LCLAT1: variants seen among roughly 807,000 people sequenced by gnomAD.
The protein encoded by LCLAT1 is 1-AGP acyltransferase 8.
LCLAT1 carries 11 observed loss-of-function variants against 30.7 expected under a neutral mutation model. The observed-to-expected ratio is 0.36, with a 90% CI of 0.23 to 0.59. The LOEUF is 0.59. LCLAT1 is among the 20% of genes least tolerant of loss of function. The pLI is 0.77. For synonymous variants in LCLAT1, 155 were observed against 151.3 expected (o/e 1.02, Z -0.18); for missense variants, 402 against 458.6 (o/e 0.88, Z 1.13).
At chr2:30,503,131 A>C (rs1035864783) in intron 1 of LCLAT1, among the ~76,000 whole-genome samples, 1 of 152,248 alleles carries the variant, frequency 6.6e-6, no homozygotes, top group Non-Finnish European at 1.5e-5. Flanking sequence ...GGTAACATCC[A>C]GGTCATTGCC....
intron 1 of LCLAT1, among the ~76,000 whole-genome samples, chr2:30,493,444 A>C (rs1298164010): frequency 6.6e-6 from 1 of 152,244 alleles, no homozygotes; most frequent in Non-Finnish European, 1.5e-5. Context: ...TCATGAGCTA[A>C]AAACTGTGGC....
intron 1 of LCLAT1, among the ~76,000 whole-genome samples, chr2:30,485,470 T>A (rs992190295): frequency 1.3e-5 from 2 of 152,194 alleles, no homozygotes; most frequent in South Asian, 2.1e-4. Context: ...TGATTTTTTT[T>A]ATAGAACTAT....
At chr2:30,494,122 A>G (rs563761820) in intron 1 of LCLAT1, among the ~76,000 whole-genome samples, 163 of 152,274 alleles carry the variant, frequency 1.1e-3, no homozygotes, top group African/African-American at 3.9e-3. Context: ...GTTCAGGATG[A>G]TGAGGCAGGA....
At chr2:30,479,261 A>C (rs1275223796) in intron 1 of LCLAT1, among the ~76,000 whole-genome samples, 1 of 151,574 alleles carries the variant, frequency 6.6e-6, no homozygotes, top group Non-Finnish European at 1.5e-5. Flanking sequence ...ACAGGGTCTC[A>C]TTCAGTCATC....
chr2:30,571,136 C>T (rs1019235237), intron 5 of LCLAT1, among the ~76,000 whole-genome samples: 14 of 152,166 alleles, frequency 9.2e-5, no homozygotes, highest in African/African-American at 3.4e-4. Context: ...TCAATCCATA[C>T]TTAGCTCATA....
intron 1 of LCLAT1, among the ~76,000 whole-genome samples, chr2:30,460,367 T>A (rs1344946877): frequency 6.6e-6 from 1 of 152,240 alleles, no homozygotes; most frequent in Non-Finnish European, 1.5e-5. Flanking sequence ...TCTCTGTTTA[T>A]TTAATTGTCC....
intron 2 of LCLAT1, among the ~76,000 whole-genome samples, chr2:30,526,796 C>G (rs1685743582): frequency 1.3e-5 from 2 of 152,128 alleles, no homozygotes. Context: ...ATATCTTATC[C>G]TAATTGTAGA....
intron 1 of LCLAT1, among the ~76,000 whole-genome samples, chr2:30,517,700 G>C (rs77024429): frequency 2.6e-5 from 4 of 152,112 alleles, no homozygotes; most frequent in Non-Finnish European, 5.9e-5. Flanking sequence ...CCAAAGGGAA[G>C]GGAGAAAGAG....
intron 5 of LCLAT1, among the ~76,000 whole-genome samples, chr2:30,611,099 C>G (rs1411888386): frequency 1.4e-5 from 2 of 145,640 alleles, no homozygotes; most frequent in Non-Finnish European, 3.0e-5. Flanking sequence ...TTTTTTTTTC[C>G]TATCAGTAGT....
chr2:30,612,398 A>AAG (rs1208106063), intron 5 of LCLAT1, among the ~76,000 whole-genome samples: 1 of 152,158 alleles, frequency 6.6e-6, no homozygotes, highest in Non-Finnish European at 1.5e-5. Context: ...ATCATCATTG[A>AAG]AGAGGTCTCT....
chr2:30,566,232 C>T (rs1181766440), intron 4 of LCLAT1, among the ~76,000 whole-genome samples: 4 of 152,160 alleles, frequency 2.6e-5, no homozygotes, highest in Admixed American at 1.3e-4. Flanking sequence ...TACTTGTACT[C>T]ACATTCTACA....
At chr2:30,520,601 C>T (rs72856689) in intron 1 of LCLAT1, among the ~76,000 whole-genome samples, 3,550 of 152,094 alleles carry the variant, frequency 0.023, 129 homozygotes, top group African/African-American at 0.08. Context: ...ATGAAAATAC[C>T]TACATTATGA....
At chr2:30,523,858 C>T (rs377094897) in intron 1 of LCLAT1, among the ~76,000 whole-genome samples, 13 of 152,246 alleles carry the variant, frequency 8.5e-5, no homozygotes, top group East Asian at 5.8e-4. Flanking sequence ...CAGAGTGAGA[C>T]GCAATCTCAA....
At chr2:30,543,989 G>A (rs1664274643) in intron 3 of LCLAT1, among the ~76,000 whole-genome samples, 2 of 152,022 alleles carry the variant, frequency 1.3e-5, no homozygotes, top group Admixed American at 6.6e-5. Context: ...AGAAGCTTAA[G>A]CTATTGATCT....
intron 1 of LCLAT1, chr2:30,476,410 C>T (rs1211223232): frequency 2.2e-6 from 1 of 456,554 alleles, no homozygotes; most frequent in East Asian, 6.9e-5. Context: ...AGCCACTCCA[C>T]ATCACTTGAA....
chr2:30,451,393 A>C (rs1662942), intron 1 of LCLAT1, among the ~76,000 whole-genome samples: 33,877 of 152,198 alleles, frequency 0.22, 3,865 homozygotes, highest in East Asian at 0.35. Flanking sequence ...AAATGCTTGC[A>C]TTCCTAGGTA....
At chr2:30,469,801 G>A (rs1682682392) in intron 1 of LCLAT1, among the ~76,000 whole-genome samples, 1 of 151,930 alleles carries the variant, frequency 6.6e-6, no homozygotes. Context: ...TTAGTAGAGA[G>A]CCAGGATGGT....
chr2:30,585,516 C>T (rs1165239054), intron 5 of LCLAT1, among the ~76,000 whole-genome samples: 1 of 152,166 alleles, frequency 6.6e-6, no homozygotes, highest in Non-Finnish European at 1.5e-5. Flanking sequence ...TCATTATTCA[C>T]ACTACTTCAT....
At chr2:30,537,387 C>T (rs80071032) in intron 3 of LCLAT1, among the ~76,000 whole-genome samples, 1 of 89,594 alleles carries the variant, frequency 1.1e-5, no homozygotes, top group Non-Finnish European at 2.3e-5. Flanking sequence ...GACTCCGTCT[C>T]AAAAAAAAAA....
Sources: gnomAD v4.1 joint callset for allele counts (sites outside exome capture counted in the v4.1 genomes callset) on GRCh38, gnomAD v4.1.1 for gene constraint, MANE v1.5 for transcripts, NCBI Gene and HGNC (gene_info 2026-07-23, HGNC 2026-07-21) for gene names.